FRMD3: variants seen among roughly 807,000 people sequenced by gnomAD.
The protein encoded by FRMD3 is FERM domain containing 3.
In FRMD3, 33 loss-of-function variants were observed where a neutral mutation model predicts 70.2. That is an observed-to-expected ratio of 0.47 (90% CI 0.36 to 0.63). FRMD3 has a LOEUF of 0.63. Ranked by LOEUF, FRMD3 falls within the 20% of genes least tolerant of loss-of-function variation. FRMD3 has a pLI of 0.00. For synonymous variants in FRMD3, 279 were observed against 255.9 expected, an observed-to-expected ratio of 1.09 and a Z score of -0.86; for missense variants, 632 against 711.4, an observed-to-expected ratio of 0.89 and a Z score of 1.27.
chr9:83,509,519 A>G (rs1829287340), intron 1 of FRMD3, among the ~76,000 whole-genome samples: 1 of 152,218 alleles, frequency 6.6e-6, no homozygotes. Flanking sequence ...AGCTGCTGTC[A>G]ATAAGAAACC....
At chr9:83,379,888 T>A (rs533373828) in intron 2 of FRMD3, among the ~76,000 whole-genome samples, 5 of 152,284 alleles carry the variant, frequency 3.3e-5, no homozygotes, top group African/African-American at 1.2e-4. Context: ...AACTCCCCTA[T>A]GAGATTGAGC....
chr9:83,364,372 C>A (rs984302208), intron 3 of FRMD3, among the ~76,000 whole-genome samples: 1 of 152,186 alleles, frequency 6.6e-6, no homozygotes, highest in Non-Finnish European at 1.5e-5. Flanking sequence ...TCCTGGCCTA[C>A]ATGGCAAAAC....
At chr9:83,351,185 A>C (rs1412208405) in intron 3 of FRMD3, among the ~76,000 whole-genome samples, 1 of 152,226 alleles carries the variant, frequency 6.6e-6, no homozygotes, top group Non-Finnish European at 1.5e-5. Context: ...AAGAAGAGCC[A>C]CAGGGTTCTT....
At chr9:83,483,248 A>T (rs780568964) in intron 1 of FRMD3, among the ~76,000 whole-genome samples, 1 of 152,096 alleles carries the variant, frequency 6.6e-6, no homozygotes, top group Non-Finnish European at 1.5e-5. Context: ...CTACTCTGCC[A>T]TGTGAAGGTA....
In FRMD3 at chr9:83,287,043, G is replaced by A. The variant is rs183655489; in HGVS notation, c.1195+3560C>T. Reference sequence around the variant, plus strand: ...GCTGTGTCCCTACCATGTAACCAGCGACCCTGTCTCCACAAGTCTGCCTTT... The same window carrying A: ...GCTGTGTCCCTACCATGTAACCAGCAACCCTGTCTCCACAAGTCTGCCTTT... On this transcript the variant is annotated intron_variant, in intron 13 of 13. Coordinates refer to ENST00000304195, the MANE Select transcript of FRMD3 (RefSeq NM_174938.6). Among the ~76,000 whole-genome samples, 179 of 152,158 alleles carry A rather than the reference G, an allele frequency of 1.2e-3. 1 individual carries two copies. The highest frequency in any genetic ancestry group is 4.0e-3 in the African/African-American group (168 of 41,518).
chr9:83,299,910 T>C (rs1286080393), intron 10 of FRMD3, among the ~76,000 whole-genome samples: 1 of 152,248 alleles, frequency 6.6e-6, no homozygotes, highest in Non-Finnish European at 1.5e-5. Flanking sequence ...GCCGGAAGGC[T>C]GCACACAGGG....
the FRMD3 span, among the ~76,000 whole-genome samples, chr9:83,553,097 G>A: frequency 6.6e-6 from 1 of 152,104 alleles, no homozygotes; most frequent in Non-Finnish European, 1.5e-5. Flanking sequence ...GTATGTTTTT[G>A]TATTAGCTAG....
chr9:83,428,957 A>G (rs960455800), intron 1 of FRMD3, among the ~76,000 whole-genome samples: 7 of 151,760 alleles, frequency 4.6e-5, no homozygotes, highest in Admixed American at 4.6e-4. Flanking sequence ...AAGCTAAAAC[A>G]CACACGCACA....
At chr9:83,479,750 G>T (rs1351127964) in intron 1 of FRMD3, among the ~76,000 whole-genome samples, 1 of 96,544 alleles carries the variant, frequency 1.0e-5, no homozygotes, top group African/African-American at 4.2e-5. Context: ...AAAAAGAAAA[G>T]AGAAGAAGAA....
chr9:83,479,667 G>A (rs144214765), intron 1 of FRMD3, among the ~76,000 whole-genome samples: 1,443 of 38,166 alleles, frequency 0.038, 20 homozygotes, highest in African/African-American at 0.066. Context: ...AAGGAAGGAA[G>A]GAAGGAAAGA....
chr9:83,402,989 C>T lies in FRMD3; in HGVS notation c.148-13281G>A, dbSNP rs145055972. 2.9e-4 allele frequency among the ~76,000 whole-genome samples: 43 copies of T among 149,490 alleles called. 1 individual carries two copies. The highest frequency in any genetic ancestry group is 1.8e-3 in the Admixed American group (27 of 14,932). ...CGCGATCTTGGCTCACTGCAACCTC[C>T]GCCTCCCGGGTTCAAGCGATTCTCC... On this transcript the variant is annotated intron_variant, in intron 1 of 13. Coordinates refer to ENST00000304195, the MANE Select transcript of FRMD3 (RefSeq NM_174938.6).
chr9:83,291,025 AAAG>A (rs1834400040), intron 12 of FRMD3, among the ~76,000 whole-genome samples: 1 of 152,158 alleles, frequency 6.6e-6, no homozygotes, highest in South Asian at 2.1e-4. Context: ...AAAAAAAAAG[AAAG>A]AAGAAACAAA....
chr9:83,251,151 G>C (rs1832402237), intron 13 of FRMD3, among the ~76,000 whole-genome samples: 1 of 152,226 alleles, frequency 6.6e-6, no homozygotes, highest in African/African-American at 2.4e-5. Context: ...GGAGCTTCCA[G>C]TGGAAGAAGC....
intron 1 of FRMD3, among the ~76,000 whole-genome samples, chr9:83,425,939 G>T (rs1257254622): frequency 2.0e-5 from 3 of 147,888 alleles, no homozygotes; most frequent in Non-Finnish European, 4.5e-5. Flanking sequence ...CAACCTTCCT[G>T]GCCCTTGCGT....
chr9:83,407,837 G>GTCTCTCTCTCTGTCTC, intron 1 of FRMD3, among the ~76,000 whole-genome samples: 1 of 103,660 alleles, frequency 9.6e-6, no homozygotes, highest in East Asian at 3.5e-4. Flanking sequence ...GGGTTGTTGA[G>GTCTCTCTCTCTGTCTC]TCTCTCTCTC....
intron 6 of FRMD3, among the ~76,000 whole-genome samples, chr9:83,314,272 G>T (rs150248154): frequency 9.2e-5 from 14 of 152,214 alleles, no homozygotes; most frequent in African/African-American, 3.1e-4. Context: ...ACTGTCCTGC[G>T]AGGTGGTAAA....
At chr9:83,462,954 C>T (rs1259059959) in intron 1 of FRMD3, among the ~76,000 whole-genome samples, 3 of 152,178 alleles carry the variant, frequency 2.0e-5, no homozygotes, top group East Asian at 3.9e-4. Flanking sequence ...TAATAATAAT[C>T]TCTCAGTATT....
intron 1 of FRMD3, among the ~76,000 whole-genome samples, chr9:83,504,098 G>T (rs141556826): frequency 6.6e-4 from 100 of 152,272 alleles, no homozygotes; most frequent in African/African-American, 2.2e-3. Context: ...GGTTTGTACT[G>T]CTCTGTGGTG....
At chr9:83,469,184 C>T (rs185843071) in intron 1 of FRMD3, among the ~76,000 whole-genome samples, 3 of 152,326 alleles carry the variant, frequency 2.0e-5, no homozygotes, top group East Asian at 1.9e-4. Flanking sequence ...GACAGTCCAT[C>T]GCCAAGCAAA....
Sources: allele counts gnomAD v4.1 joint callset (sites outside exome capture counted in the v4.1 genomes callset), GRCh38; gene constraint gnomAD v4.1.1; transcripts MANE v1.5; gene names NCBI Gene and HGNC (gene_info 2026-07-23, HGNC 2026-07-21).